Variants in VPS9D1 observed in about 807,000 individuals in gnomAD.
VPS9D1 encodes the protein VPS9 domain containing 1.
Under a neutral mutation model 75.8 loss-of-function variants are expected in VPS9D1, and 78 were observed. The ratio of observed to expected loss-of-function variants is 1.03; its 90% CI spans 0.86 to 1.24. VPS9D1 has a LOEUF of 1.24. Ranked by LOEUF, VPS9D1 falls within the 50% of genes most tolerant of loss-of-function variation. The pLI is 0.00. For missense variants in VPS9D1, 1,057 were observed against 847.7 expected (o/e 1.25, Z -3.07); for synonymous variants, 481 against 385.6 (o/e 1.25, Z -2.90).
At chr16:89,714,654 T>C (rs1419060275) in intron 4 of VPS9D1, among the ~76,000 whole-genome samples, 1 of 152,260 alleles carries the variant, frequency 6.6e-6, no homozygotes, top group Non-Finnish European at 1.5e-5. Context: ...ACTGGGCTTT[T>C]TGCATTTGTG....
rs1253895991 is a variant in VPS9D1, at chr16:89,712,459, C to T, written c.606+1G>A. 6.2e-7 allele frequency: 1 copy of T among 1,613,226 alleles called. No homozygotes were observed. Among genetic ancestry groups the T allele is most frequent in the Non-Finnish European group, 8.5e-7 (1 of 1,180,014 alleles). ...ACCACCAGGGCGGTCAGAAAGGCTG[C>T]TGTCTCCTCCCGGGCTTTGGCAATC... On this transcript the variant is annotated splice_donor_variant, in intron 6 of 14. Transcript: ENST00000389386. LOFTEE classifies it high-confidence loss of function.
At chr16:89,718,025 C>T (rs953758125) in intron 2 of VPS9D1, 3 of 454,550 alleles carry the variant, frequency 6.6e-6, no homozygotes, top group South Asian at 3.1e-5. Context: ...TCCAGTGGGT[C>T]CCCCTGACCT....
At chr16:89,716,050 C>T (rs1019310088) in intron 4 of VPS9D1, among the ~76,000 whole-genome samples, 8 of 151,860 alleles carry the variant, frequency 5.3e-5, no homozygotes, top group Admixed American at 2.0e-4. Flanking sequence ...TCAGGCCAGG[C>T]GCAGTGGCTC....
At position 89,708,870 on chromosome 16, in the gene VPS9D1, C is replaced by T. The variant is rs189851075; in HGVS notation, c.1684G>A (p.Ala562Thr). ...CCTGGGACTCACATGGCAGCTGCAG[C>T]GATGGGCGGGGGCCCGGCCTGGGGT... ...ATPQAGPPPI[A>T]AAAIGADDLL... Residue 562 changes from alanine (A) to threonine (T), a missense_variant, in exon 13 of 15, where the codon GCT (alanine) becomes ACT (threonine). By Grantham distance (58) the Ala-to-Thr change is moderately conservative (BLOSUM62 0). Coordinates refer to ENST00000389386, the MANE Select transcript of VPS9D1 (RefSeq NM_004913.3). 308 of 1,582,092 alleles carry T rather than the reference C, an allele frequency of 1.9e-4. 2 individuals carry two copies. The East Asian group carries it at 5.5e-3, about 28-fold the overall frequency.
At chr16:89,717,271 C>T in intron 2 of VPS9D1, 2 of 322,340 alleles carry the variant, frequency 6.2e-6, no homozygotes, top group South Asian at 2.5e-5. Flanking sequence ...CTGTGGGCCC[C>T]TCATCGAGGC....
chr16:89,711,786 C>G (rs1161058006), intron 8 of VPS9D1, 96 bp downstream of exon 8: 1 of 1,397,402 alleles, frequency 7.2e-7, no homozygotes, highest in African/African-American at 1.5e-5. Flanking sequence ...CCCACAGCCT[C>G]TGGCTCCGCC....
At chr16:89,718,628 A>G (rs1042010470) in intron 2 of VPS9D1, among the ~76,000 whole-genome samples, 1 of 152,184 alleles carries the variant, frequency 6.6e-6, no homozygotes, top group African/African-American at 2.4e-5. Context: ...CCCCCGCCGA[A>G]GCCTGGCACC....
chr16:89,711,779 A>C (rs1597910766), intron 8 of VPS9D1, 103 bp downstream of exon 8: 29 of 1,236,310 alleles, frequency 2.3e-5, no homozygotes, highest in African/African-American at 1.1e-4. Context: ...ACTGCCCCCC[A>C]CAGCCTCTGG....
intron 1 of VPS9D1, among the ~76,000 whole-genome samples, chr16:89,720,009 C>A (rs1258472201): frequency 1.3e-5 from 2 of 152,196 alleles, no homozygotes; most frequent in Non-Finnish European, 2.9e-5. Context: ...TGAACCACAG[C>A]GCCCAGCAAT....
intron 2 of VPS9D1, chr16:89,717,656 C>T (rs756382805): frequency 1.3e-5 from 6 of 456,392 alleles, no homozygotes; most frequent in South Asian, 6.2e-5. Context: ...ACTGCCCTTA[C>T]CCGTCCCCAC....
chr16:89,716,501 A>G lies in VPS9D1; in HGVS notation c.392T>C (p.Phe131Ser), dbSNP rs756693039. 6.2e-7 allele frequency: 1 copy of G among 1,613,728 alleles called. No homozygotes were observed. The highest frequency in any genetic ancestry group is 1.3e-5 in the African/African-American group (1 of 74,864). Residue 131 changes from phenylalanine (F) to serine (S), a missense_variant, in exon 4 of 15, where the codon TTC becomes TCC. Transcript: ENST00000389386. Reference sequence around the variant, plus strand: ...TGACTCTGCCCCCTGAAGCTTCTGGAAGATCTCGGGTGGCAGAAAAGGAGA... The same window carrying G: ...TGACTCTGCCCCCTGAAGCTTCTGGGAGATCTCGGGTGGCAGAAAAGGAGA... ...KLSPFLPPEI[F>S]QKLQGAESQS...
At position 89,709,302 on chromosome 16, in the gene VPS9D1, G is replaced by A; in HGVS notation, c.1522C>T (p.Pro508Ser). Residue 508 changes from proline (P) to serine (S), a missense_variant, in exon 12 of 15, where the codon CCC becomes TCC. Physicochemically the swap from Pro to Ser is moderately conservative, Grantham distance 74. Coordinates refer to ENST00000389386, the MANE Select transcript of VPS9D1 (RefSeq NM_004913.3). ...NPEAKGATGY[P>S]YCAAAQELGL... ...AGCTCCTGGGCCGCCGCGCAGTAGG[G>A]GTAGCCAGTGGCCCCCTTGGCCTCA... is the stretch of plus-strand genomic sequence containing the variant. 2 of 1,607,672 alleles carry A rather than the reference G, an allele frequency of 1.2e-6. No homozygotes were observed. The highest frequency in any genetic ancestry group is 1.7e-6 in the Non-Finnish European group (2 of 1,178,518).
At chr16:89,710,300 T>C (rs2060885530) in intron 10 of VPS9D1, among the ~76,000 whole-genome samples, 1 of 152,106 alleles carries the variant, frequency 6.6e-6, no homozygotes, top group Non-Finnish European at 1.5e-5. Flanking sequence ...CTTAGAAAAC[T>C]CTGGGCTGGG....
chr16:89,710,205 T>TG (rs2060883658), intron 10 of VPS9D1, among the ~76,000 whole-genome samples: 1 of 152,174 alleles, frequency 6.6e-6, no homozygotes, highest in Admixed American at 6.5e-5. Context: ...CAACCCCCTG[T>TG]GGGTGGGGAC....
intron 1 of VPS9D1, 118 bp from the exon 2 acceptor site, chr16:89,719,220 A>T (rs200959734): frequency 1.1e-6 from 1 of 949,054 alleles, no homozygotes; most frequent in Non-Finnish European, 1.7e-6. Context: ...TATCTCTGAG[A>T]TACACCCAGA....
chr16:89,715,745 C>T (rs1167910318), intron 4 of VPS9D1, among the ~76,000 whole-genome samples: 2 of 151,766 alleles, frequency 1.3e-5, no homozygotes, highest in African/African-American at 2.4e-5. Flanking sequence ...GCACAATCTT[C>T]GCTCACTGCA....
At chr16:89,712,130 G>A (rs2060946301) in intron 6 of VPS9D1, 31 bp from the exon 7 acceptor site, 2 of 1,547,930 alleles carry the variant, frequency 1.3e-6, no homozygotes, top group Non-Finnish European at 1.7e-6. Flanking sequence ...CCGAGCGTGG[G>A]ATCTGAGCGG....
Position 89,711,940 on chromosome 16 carries a change from G to A in VPS9D1, c.689C>T (p.Pro230Leu), listed in dbSNP as rs778851764. 160 of 1,551,380 alleles carry A rather than the reference G, an allele frequency of 1.0e-4. 1 individual carries two copies. The highest frequency in any genetic ancestry group is 5.0e-4 in the Middle Eastern group (3 of 6,008). ...RRFCSQVALTPEEREQRALYA... is the reference protein window; with the variant it reads ...RRFCSQVALTLEEREQRALYA... Reference sequence around the variant, plus strand: ...AAGGGCCCGCTGCTCCCGTTCCTCCGGGGTCAGGGCGACTTGGCTGCAAAA... The same window carrying A: ...AAGGGCCCGCTGCTCCCGTTCCTCCAGGGTCAGGGCGACTTGGCTGCAAAA... Residue 230 changes from proline to leucine, a missense_variant, in exon 8 of 15, where the codon CCG becomes CTG. Transcript: ENST00000389386.
At chr16:89,708,046 G>T in intron 14 of VPS9D1, 92 bp from the exon 15 acceptor site, 1 of 1,295,600 alleles carries the variant, frequency 7.7e-7, no homozygotes, top group Non-Finnish European at 1.1e-6. Context: ...TCCCAGTTCA[G>T]GACCTGGGTG....
Sources: allele counts gnomAD v4.1 joint callset (sites outside exome capture counted in the v4.1 genomes callset), GRCh38; gene constraint gnomAD v4.1.1; transcripts MANE v1.5; gene names NCBI Gene and HGNC (gene_info 2026-07-23, HGNC 2026-07-21).